The following KIT variants were observed in gnomAD, a reference collection of about 807,000 sequenced individuals.
KIT encodes mast/stem cell growth factor receptor Kit.
Under a neutral mutation model 105.7 loss-of-function variants are expected in KIT, and 16 were observed. The observed-to-expected ratio is 0.15, with a 90% CI of 0.10 to 0.23. The LOEUF is 0.23. Among genes scored for constraint, KIT ranks in the 10% least tolerant of loss-of-function variants. The probability of loss-of-function intolerance (pLI) is 1.00; values close to 1 mark genes in which losing one functional copy is unlikely to be tolerated. For synonymous variants in KIT, 438 were observed against 441.1 expected (o/e 0.99, Z 0.09); for missense variants, 858 against 1,213.8 (o/e 0.71, Z 4.36).
rs149932314 is a variant in KIT at position 54,738,452 on chromosome 4, C to T, written c.2826C>T (p.Cys942=). The T allele has an allele frequency of 3.1e-6, 5 of 1,614,044 alleles. No individual in the cohort carries two copies. Among genetic ancestry groups the T allele is most frequent in the Non-Finnish European group, 3.4e-6 (4 of 1,179,990 alleles). The change falls in exon 21 of 21, where the codon TGC becomes TGT. Residue 942 remains cysteine (C), a synonymous_variant. Transcript: ENST00000288135. ...TNHIYSNLAN[C]SPNRQKPVVD... ...AGATTTACTCCAACTTAGCAAACTG[C>T]AGCCCCAACCGACAGAAGCCCGTGG...
At chr4:54,684,769 C>G (rs561575216) in intron 1 of KIT, among the ~76,000 whole-genome samples, 1 of 152,240 alleles carries the variant, frequency 6.6e-6, no homozygotes, top group African/African-American at 2.4e-5. Flanking sequence ...TCTGCTGTAC[C>G]AGTTGCCAGG....
intron 1 of KIT, among the ~76,000 whole-genome samples, chr4:54,694,937 G>A (rs188234073): frequency 1.3e-5 from 2 of 152,266 alleles, no homozygotes; most frequent in East Asian, 3.9e-4. Flanking sequence ...AGGCATTAGG[G>A]TGTTAAAACA....
At chr4:54,670,320 C>T (rs189332347) in intron 1 of KIT, among the ~76,000 whole-genome samples, 2 of 152,202 alleles carry the variant, frequency 1.3e-5, no homozygotes, top group East Asian at 1.9e-4. Context: ...AAAATATGAC[C>T]GAACTCCTAA....
chr4:54,719,568 C>G (rs1721727762), intron 7 of KIT, among the ~76,000 whole-genome samples: 3 of 84,302 alleles, frequency 3.6e-5, no homozygotes, highest in Admixed American at 3.4e-4. Flanking sequence ...GGCAAAAAGG[C>G]TATTTTTTTT....
intron 6 of KIT, among the ~76,000 whole-genome samples, chr4:54,707,979 A>C (rs1162751779): frequency 6.6e-6 from 1 of 152,112 alleles, no homozygotes; most frequent in Admixed American, 6.5e-5. Context: ...GTTTTGCTCT[A>C]TTTTTCCAGT....
rs148206534 is a variant in KIT at position 54,660,130 on chromosome 4, C to G, written c.67+2049C>G. On this transcript the variant is annotated intron_variant, in intron 1 of 20. Coordinates refer to ENST00000288135, the MANE Select transcript of KIT (RefSeq NM_000222.3). Reference sequence around the variant, plus strand: ...TTTTAACTATTCCCCTGGCCCCTGTCTGCCTCTTTGAAATTCCTCTGCCTC... The same window carrying G: ...TTTTAACTATTCCCCTGGCCCCTGTGTGCCTCTTTGAAATTCCTCTGCCTC... Among the ~76,000 whole-genome samples, 661 of 152,324 alleles carry G rather than the reference C, an allele frequency of 4.3e-3. 7 individuals are homozygous for G. Among genetic ancestry groups the G allele is most frequent in the African/African-American group, 0.015 (628 of 41,564 alleles).
intron 2 of KIT, among the ~76,000 whole-genome samples, chr4:54,696,424 A>G (rs963430993): frequency 6.6e-6 from 1 of 152,152 alleles, no homozygotes; most frequent in Non-Finnish European, 1.5e-5. Flanking sequence ...GCAGGGGTGT[A>G]TCTTGTAGTT....
intron 1 of KIT, among the ~76,000 whole-genome samples, chr4:54,683,903 T>G (rs1210511013): frequency 6.6e-6 from 1 of 152,176 alleles, no homozygotes; most frequent in African/African-American, 2.4e-5. Flanking sequence ...TTGAGGAATC[T>G]GAGTGGGGAA....
At chr4:54,704,895 G>A (rs1720687598) in intron 5 of KIT, among the ~76,000 whole-genome samples, 1 of 152,068 alleles carries the variant, frequency 6.6e-6, no homozygotes, top group Admixed American at 6.6e-5. Flanking sequence ...AAAGCTTTGT[G>A]ATTATCCCAC....
intron 17 of KIT, 59 bp downstream of exon 17, chr4:54,733,251 T>A: frequency 6.4e-7 from 1 of 1,574,500 alleles, no homozygotes; most frequent in African/African-American, 1.3e-5. Context: ...CAACTTTCGA[T>A]AAAAATTGTT....
intron 7 of KIT, among the ~76,000 whole-genome samples, chr4:54,721,216 C>T (rs1314304243): frequency 6.6e-6 from 1 of 152,120 alleles, no homozygotes; most frequent in Non-Finnish European, 1.5e-5. Context: ...TTCTTAAATG[C>T]TTTGGGAATA....
In KIT at chr4:54,738,488, T is replaced by C. The variant is rs1553893817; in HGVS notation, c.2862T>C (p.Ser954=). Residue 954 remains serine, a synonymous_variant, in exon 21 of 21, where the codon TCT becomes TCC. Transcript: ENST00000288135. ...GACAGAAGCCCGTGGTAGACCATTC[T>C]GTGCGGATCAATTCTGTCGGCAGCA... is the stretch of plus-strand genomic sequence containing the variant. The part of the protein sequence containing the change: ...PNRQKPVVDH[S]VRINSVGSTA... 1.2e-6 allele frequency: 2 copies of C among 1,614,142 alleles called. No homozygotes were observed. The highest frequency in any genetic ancestry group is 2.2e-5 in the East Asian group (1 of 44,858).
rs1467087033 is a variant in KIT, at chr4:54,709,517, A to G, written c.1209A>G (p.Ile403Met). 1 of 1,608,180 alleles carries G rather than the reference A, an allele frequency of 6.2e-7. No individual in the cohort carries two copies. ...CCAATTCTGACGTCAATGCTGCCAT[A>G]GCATTTAATGTTTATGTGAATAGTA... Reference protein sequence around the residue: ...LVSNSDVNAAIAFNVYVNTKP... With the variant: ...LVSNSDVNAAMAFNVYVNTKP... Residue 403 changes from isoleucine (I) to methionine (M), a missense_variant, in exon 7 of 21, where the codon ATA becomes ATG. Ile to Met is a conservative substitution (Grantham distance 10). Around this residue, in one of 7 missense-constraint regions of KIT, gnomAD observed 401 missense variants for 601.0 expected, o/e 0.67. Transcript: ENST00000288135.
At chr4:54,659,708 C>CT (rs1355031258) in intron 1 of KIT, among the ~76,000 whole-genome samples, 2 of 152,138 alleles carry the variant, frequency 1.3e-5, no homozygotes, top group Non-Finnish European at 2.9e-5. Flanking sequence ...CACATCTGGT[C>CT]TTTATGTTTT....
In KIT at chr4:54,698,373, G is replaced by A. The variant is rs2109672658; in HGVS notation, c.427G>A (p.Val143Met). ...CCGCTGTCCTCTCACAGACCCAGAA[G>A]TGACCAATTATTCCCTCAAGGGGTG... ...LVRCPLTDPEVTNYSLKGCQG... is the reference protein window; with the variant it reads ...LVRCPLTDPEMTNYSLKGCQG... The change falls in exon 3 of 21, where the codon GTG becomes ATG. Residue 143 changes from valine to methionine, a missense_variant. Coordinates refer to ENST00000288135, the MANE Select transcript of KIT (RefSeq NM_000222.3). The A allele has an allele frequency of 6.2e-7, 1 of 1,614,170 alleles. No individual in the cohort carries two copies. The highest frequency in any genetic ancestry group is 1.3e-5 in the African/African-American group (1 of 75,062).
intron 13 of KIT, among the ~76,000 whole-genome samples, chr4:54,728,881 T>G (rs1034038801): frequency 2.0e-5 from 3 of 152,242 alleles, no homozygotes; most frequent in Non-Finnish European, 4.4e-5. Flanking sequence ...TTTCACTCAC[T>G]TTCCAGTCTT....
At chr4:54,731,485 G>A in intron 15 of KIT, 66 bp downstream of exon 15, 1 of 1,069,636 alleles carries the variant, frequency 9.3e-7, no homozygotes, top group Non-Finnish European at 1.5e-6. Flanking sequence ...ATGCTAATGT[G>A]GAATATAACA....
At chr4:54,682,346 C>T (rs1718998314) in intron 1 of KIT, among the ~76,000 whole-genome samples, 1 of 152,138 alleles carries the variant, frequency 6.6e-6, no homozygotes, top group Non-Finnish European at 1.5e-5. Context: ...CCTTGACCTC[C>T]CAAATTTCTG....
intron 13 of KIT, among the ~76,000 whole-genome samples, chr4:54,728,638 A>G (rs546185466): frequency 6.6e-6 from 1 of 152,348 alleles, no homozygotes; most frequent in East Asian, 1.9e-4. Context: ...GTTGAAAGAA[A>G]CAAAGATGTG....
Sources: allele counts gnomAD v4.1 joint callset (sites outside exome capture counted in the v4.1 genomes callset), GRCh38; gene constraint gnomAD v4.1.1; regional missense constraint gnomAD v4.1.1; transcripts MANE v1.5; gene names NCBI Gene and HGNC (gene_info 2026-07-23, HGNC 2026-07-21).